The following PGM1 variants were observed in gnomAD, a reference collection of about 807,000 sequenced individuals.
PGM1 encodes phosphoglucomutase-1.
A neutral mutation model predicts 55.6 loss-of-function variants in PGM1; 52 were observed. The observed-to-expected ratio is 0.94, with a 90% confidence interval of 0.75 to 1.18. PGM1 has a LOEUF of 1.18. PGM1 is among the 50% of genes most tolerant of loss of function. The pLI is 0.00. For synonymous variants in PGM1, 287 were observed against 271.7 expected (o/e 1.06, Z -0.55); for missense variants, 724 against 729.3 (o/e 0.99, Z 0.08).
rs57809819 is a variant in PGM1 at position 63,644,681 on chromosome 1, C to T, written c.1145-3836C>T. Among the ~76,000 whole-genome samples the T allele has an allele frequency of 5.4e-3, 825 of 152,234 alleles. 5 individuals are homozygous for T. The highest frequency in any genetic ancestry group is 0.019 in the African/African-American group (801 of 41,544). ...TATAAACTATTTCTACTTGCTTTTTCGTAGTAATTTCTCACAGTTATGAGA... is the reference window on the plus strand; with the variant it reads ...TATAAACTATTTCTACTTGCTTTTTTGTAGTAATTTCTCACAGTTATGAGA... On this transcript the variant is annotated intron_variant, in intron 7 of 10. Coordinates refer to ENST00000371084, the MANE Select transcript of PGM1 (RefSeq NM_002633.3).
At chr1:63,597,157 A>G (rs567465032) in intron 1 of PGM1, among the ~76,000 whole-genome samples, 2 of 152,102 alleles carry the variant, frequency 1.3e-5, no homozygotes, top group Non-Finnish European at 2.9e-5. Context: ...GAGGGGCTGT[A>G]CTTGGGAGGG....
chr1:63,603,185 G>A (rs1039807294), intron 1 of PGM1, among the ~76,000 whole-genome samples: 2 of 152,322 alleles, frequency 1.3e-5, no homozygotes, highest in African/African-American at 4.8e-5. Flanking sequence ...CCACATGCAT[G>A]GCCTTATTTC....
chr1:63,616,325 G>C (rs559873489), intron 1 of PGM1, among the ~76,000 whole-genome samples: 1 of 152,314 alleles, frequency 6.6e-6, no homozygotes, highest in African/African-American at 2.4e-5. Context: ...CCTTACTTAT[G>C]AAAAGGGGTT....
intron 1 of PGM1, among the ~76,000 whole-genome samples, chr1:63,601,830 C>A (rs1405588284): frequency 6.6e-6 from 1 of 152,168 alleles, no homozygotes; most frequent in African/African-American, 2.4e-5. Flanking sequence ...CATAGCTTCT[C>A]CAAATCACCA....
At chr1:63,639,955 T>A (rs1022899126) in intron 7 of PGM1, among the ~76,000 whole-genome samples, 1 of 152,178 alleles carries the variant, frequency 6.6e-6, no homozygotes, top group African/African-American at 2.4e-5. Context: ...GCTGGATGAG[T>A]CTTGGGGTTG....
intron 3 of PGM1, among the ~76,000 whole-genome samples, chr1:63,630,540 C>G (rs1238200864): frequency 6.6e-6 from 1 of 152,164 alleles, no homozygotes; most frequent in African/African-American, 2.4e-5. Context: ...AGGTCACAGT[C>G]AGTGAATGGC....
intron 7 of PGM1, among the ~76,000 whole-genome samples, chr1:63,645,000 G>A (rs1476487094): frequency 1.3e-5 from 2 of 152,184 alleles, no homozygotes; most frequent in African/African-American, 4.8e-5. Context: ...TGCACCATTG[G>A]TATTTTCCAC....
At chr1:63,629,177 C>T (rs1420508780) in intron 1 of PGM1, among the ~76,000 whole-genome samples, 1 of 152,130 alleles carries the variant, frequency 6.6e-6, no homozygotes, top group Non-Finnish European at 1.5e-5. Context: ...TGCACACAGA[C>T]CACACACTTC....
intron 7 of PGM1, among the ~76,000 whole-genome samples, chr1:63,644,993 AC>A (rs1168201787): frequency 1.3e-5 from 2 of 152,228 alleles, no homozygotes; most frequent in Non-Finnish European, 2.9e-5. Context: ...ACGTACCTGC[AC>A]CATTGGTATT....
Position 63,659,806 on chromosome 1 carries a change from G to A in PGM1, c.*131G>A, listed in dbSNP as rs1650070685. Reference sequence around the variant, plus strand: ...TTGACTTTTTCACTAACCAGTTGACGAGCAGTGCATTTACAAGGCACTGCC... The same window carrying A: ...TTGACTTTTTCACTAACCAGTTGACAAGCAGTGCATTTACAAGGCACTGCC... On this transcript the variant is annotated 3_prime_UTR_variant, in exon 11 of 11. Coordinates refer to ENST00000371084, the MANE Select transcript of PGM1 (RefSeq NM_002633.3). 5 of 733,466 alleles carry A rather than the reference G, an allele frequency of 6.8e-6. No individual in the cohort carries two copies. The highest frequency in any genetic ancestry group is 3.5e-5 in the African/African-American group (2 of 57,720). The allele number at this position is 733,466 out of a possible 1,614,324, so 45.4% of individuals were successfully genotyped here. A position where few individuals can be genotyped will look rare whatever the true frequency, so the allele number is the denominator to read the frequency against.
chr1:63,634,770 C>T, intron 4 of PGM1, 59 bp from the exon 5 acceptor site: 1 of 1,437,772 alleles, frequency 7.0e-7, no homozygotes, highest in Non-Finnish European at 9.8e-7. Flanking sequence ...TGAATCCTCA[C>T]ATACTTTAAG....
chr1:63,603,982 T>C (rs1422980106), intron 1 of PGM1, among the ~76,000 whole-genome samples: 1 of 152,222 alleles, frequency 6.6e-6, no homozygotes, highest in African/African-American at 2.4e-5. Context: ...TTCTTGATGC[T>C]ACTCAGAGTG....
chr1:63,657,291 CTG>C, intron 10 of PGM1, among the ~76,000 whole-genome samples: 1 of 152,146 alleles, frequency 6.6e-6, no homozygotes, highest in African/African-American at 2.4e-5. Context: ...CACTTAATAA[CTG>C]TGTGTCCCTG....
chr1:63,634,141 C>T (rs1649297106), intron 4 of PGM1, among the ~76,000 whole-genome samples: 1 of 151,388 alleles, frequency 6.6e-6, no homozygotes, highest in Admixed American at 6.6e-5. Context: ...GATAACAGCT[C>T]TGAATCCCAA....
intron 10 of PGM1, among the ~76,000 whole-genome samples, chr1:63,658,653 G>A (rs1483620550): frequency 1.3e-5 from 2 of 151,824 alleles, no homozygotes; most frequent in African/African-American, 2.4e-5. Flanking sequence ...TAGAGAGGCT[G>A]AGGCAGGAGA....
chr1:63,640,156 C>A (rs1649478114), intron 7 of PGM1, among the ~76,000 whole-genome samples: 1 of 152,208 alleles, frequency 6.6e-6, no homozygotes. Context: ...CCCACAGGGT[C>A]ATCTAGTTCA....
chr1:63,623,766 T>C, intron 1 of PGM1: 2 of 1,595,930 alleles, frequency 1.3e-6, no homozygotes, highest in African/African-American at 1.3e-5. Context: ...ATGGGGTGGG[T>C]ATATGATAAG....
chr1:63,618,668 A>G (rs895908451), intron 1 of PGM1, among the ~76,000 whole-genome samples: 2 of 152,132 alleles, frequency 1.3e-5, no homozygotes, highest in Non-Finnish European at 2.9e-5. Context: ...TCTCACCTCA[A>G]GTGATGAGGG....
intron 1 of PGM1, among the ~76,000 whole-genome samples, chr1:63,622,120 G>A (rs1358278981): frequency 6.6e-6 from 1 of 152,104 alleles, no homozygotes; most frequent in Non-Finnish European, 1.5e-5. Context: ...AGCCTCCCAG[G>A]TTCAAGCAAT....
Sources: gnomAD v4.1 joint callset for allele counts (sites outside exome capture counted in the v4.1 genomes callset) on GRCh38, gnomAD v4.1.1 for gene constraint, MANE v1.5 for transcripts, NCBI Gene and HGNC (gene_info 2026-07-23, HGNC 2026-07-21) for gene names.